The following AGBL4 variants were observed in gnomAD, a reference collection of about 807,000 sequenced individuals.
AGBL4 encodes AGBL carboxypeptidase 4, also known as cytosolic carboxypeptidase 6.
A neutral mutation model predicts 66.4 loss-of-function variants in AGBL4; 58 were observed. The ratio of observed to expected loss-of-function variants is 0.87; its 90% CI spans 0.71 to 1.09. The LOEUF is 1.09. AGBL4 is among the 50% of genes least tolerant of loss of function. AGBL4 has a pLI of 0.00. For synonymous variants in AGBL4, 234 were observed against 222.9 expected, an observed-to-expected ratio of 1.05 and a Z score of -0.44; for missense variants, 579 against 631.0, an observed-to-expected ratio of 0.92 and a Z score of 0.88.
intron 6 of AGBL4, chr1:48,742,730 C>T (rs756106934): frequency 8.1e-6 from 13 of 1,608,112 alleles, no homozygotes; most frequent in African/African-American, 1.3e-5. Context: ...GGCTCGGGCT[C>T]GAGACATTCT....
chr1:48,872,463 A>G (rs989623543), intron 5 of AGBL4, among the ~76,000 whole-genome samples: 23 of 152,260 alleles, frequency 1.5e-4, no homozygotes, highest in Admixed American at 7.2e-4. Context: ...AATCAACAAG[A>G]TACCAGTAGG....
At chr1:49,439,580 G>T (rs1203638424) in intron 3 of AGBL4, among the ~76,000 whole-genome samples, 1 of 152,102 alleles carries the variant, frequency 6.6e-6, no homozygotes, top group Non-Finnish European at 1.5e-5. Context: ...TGTCTGTGAG[G>T]GTGCTGCCAA....
At chr1:49,034,610 G>A (rs1664490353) in intron 5 of AGBL4, among the ~76,000 whole-genome samples, 1 of 152,138 alleles carries the variant, frequency 6.6e-6, no homozygotes, top group East Asian at 1.9e-4. Flanking sequence ...GAGGGACCCA[G>A]TAGGAGGTAG....
At chr1:48,571,674 A>G (rs1644565969) in intron 11 of AGBL4, among the ~76,000 whole-genome samples, 1 of 152,254 alleles carries the variant, frequency 6.6e-6, no homozygotes, top group Non-Finnish European at 1.5e-5. Context: ...TTATTGTGGC[A>G]GGTGCTTTTG....
intron 3 of AGBL4, among the ~76,000 whole-genome samples, chr1:49,521,761 G>A (rs1474402660): frequency 6.6e-6 from 1 of 152,056 alleles, no homozygotes; most frequent in Non-Finnish European, 1.5e-5. Flanking sequence ...AAGAATTAAT[G>A]ACTAAGTCCT....
intron 5 of AGBL4, among the ~76,000 whole-genome samples, chr1:49,005,164 A>C (rs542691759): frequency 1.3e-5 from 2 of 152,306 alleles, no homozygotes; most frequent in Admixed American, 1.3e-4. Context: ...AATGCAGGCT[A>C]TTTATCAAAA....
At chr1:48,943,645 G>A (rs945365209) in intron 5 of AGBL4, among the ~76,000 whole-genome samples, 1 of 152,174 alleles carries the variant, frequency 6.6e-6, no homozygotes, top group African/African-American at 2.4e-5. Flanking sequence ...ATAAGACTTG[G>A]TCCTTACAGT....
intron 4 of AGBL4, among the ~76,000 whole-genome samples, chr1:49,069,431 G>A (rs1227259906): frequency 1.3e-5 from 2 of 150,298 alleles, no homozygotes; most frequent in East Asian, 1.9e-4. Context: ...AAGGGATCCA[G>A]TTTCAGCTTT....
chr1:49,651,315 C>T (rs2124448238), intron 3 of AGBL4, among the ~76,000 whole-genome samples: 1 of 152,232 alleles, frequency 6.6e-6, no homozygotes, highest in African/African-American at 2.4e-5. Flanking sequence ...ACACAAATTT[C>T]CCCTGCCAAC....
chr1:48,759,082 C>T (rs1356663274), intron 6 of AGBL4: 14 of 1,612,144 alleles, frequency 8.7e-6, no homozygotes, highest in Non-Finnish European at 1.2e-5. Context: ...CTGGTAGTTG[C>T]GCAGCAGCTC....
At chr1:49,027,351 C>T (rs533001364) in intron 5 of AGBL4, among the ~76,000 whole-genome samples, 66 of 152,052 alleles carry the variant, frequency 4.3e-4, no homozygotes, top group Non-Finnish European at 8.1e-4. Flanking sequence ...TTAGTAGAGA[C>T]GGAGTTTCAC....
chr1:49,379,099 G>A (rs768194347), intron 3 of AGBL4, among the ~76,000 whole-genome samples: 3 of 152,052 alleles, frequency 2.0e-5, no homozygotes, highest in Non-Finnish European at 2.9e-5. Context: ...GTATAGTGTG[G>A]AAGCATCAGG....
chr1:49,458,260 C>A (rs1646434470), intron 3 of AGBL4, among the ~76,000 whole-genome samples: 3 of 151,670 alleles, frequency 2.0e-5, no homozygotes, highest in Non-Finnish European at 2.9e-5. Flanking sequence ...TTACAGAGGT[C>A]TTTCACCTCC....
At chr1:49,927,294 T>A (rs1346007329) in intron 1 of AGBL4, among the ~76,000 whole-genome samples, 1 of 152,168 alleles carries the variant, frequency 6.6e-6, no homozygotes, top group Non-Finnish European at 1.5e-5. Context: ...TTCACACTGC[T>A]AAGAAGAAAT....
At chr1:50,002,440 G>C (rs997887492) in intron 1 of AGBL4, among the ~76,000 whole-genome samples, 18 of 144,584 alleles carry the variant, frequency 1.2e-4, no homozygotes, top group Admixed American at 7.7e-4. Flanking sequence ...CGCGATCTCG[G>C]CTCACTGCAA....
At chr1:49,922,706 A>C (rs751493783) in intron 1 of AGBL4, among the ~76,000 whole-genome samples, 1 of 152,198 alleles carries the variant, frequency 6.6e-6, no homozygotes, top group Non-Finnish European at 1.5e-5. Context: ...ACAAACTCAC[A>C]TTAACAATTG....
chr1:49,581,106 TTC>T (rs1474866419), intron 3 of AGBL4, among the ~76,000 whole-genome samples: 1 of 152,112 alleles, frequency 6.6e-6, no homozygotes, highest in African/African-American at 2.4e-5. Flanking sequence ...AGTTCTGAAA[TTC>T]TTTCTTCTGC....
the AGBL4 span, among the ~76,000 whole-genome samples, chr1:48,526,579 G>T: frequency 6.6e-6 from 1 of 152,168 alleles, no homozygotes; most frequent in African/African-American, 2.4e-5. Context: ...CAGTAGTAGT[G>T]GTAGCAGCAG....
At chr1:49,571,109 T>C (rs952186313) in intron 3 of AGBL4, among the ~76,000 whole-genome samples, 4 of 152,020 alleles carry the variant, frequency 2.6e-5, no homozygotes, top group Non-Finnish European at 5.9e-5. Flanking sequence ...CTTTTTTTTT[T>C]TCTAATTCTG....
Sources: allele counts gnomAD v4.1 joint callset (sites outside exome capture counted in the v4.1 genomes callset), GRCh38; gene constraint gnomAD v4.1.1; transcripts MANE v1.5; gene names NCBI Gene and HGNC (gene_info 2026-07-23, HGNC 2026-07-21).